The following ARHGEF3 variants were observed in gnomAD, a reference collection of about 807,000 sequenced individuals.
The protein encoded by ARHGEF3 is 59.8 kDA protein.
In ARHGEF3, 28 loss-of-function variants were observed where a neutral mutation model predicts 63.2. The observed-to-expected ratio is 0.44, with a 90% CI of 0.33 to 0.61. The LOEUF is 0.61. Ranked by LOEUF, ARHGEF3 falls within the 20% of genes least tolerant of loss-of-function variation. The pLI is 0.03. For missense variants in ARHGEF3, 533 were observed against 659.3 expected, an observed-to-expected ratio of 0.81 and a Z score of 2.10; for synonymous variants, 266 against 254.2, an observed-to-expected ratio of 1.05 and a Z score of -0.44.
intron 2 of ARHGEF3, among the ~76,000 whole-genome samples, chr3:56,763,085 T>C (rs2035511141): frequency 6.6e-6 from 1 of 152,160 alleles, no homozygotes; most frequent in Non-Finnish European, 1.5e-5. Context: ...AACATAGGCT[T>C]TGGAGTAAAA....
At chr3:57,076,904 T>G (rs372026848) in intron 1 of ARHGEF3, 1 of 152,138 alleles carries the variant, frequency 6.6e-6, no homozygotes, top group South Asian at 2.1e-4. Context: ...TATAAATCAA[T>G]GTATGAATAA....
At chr3:56,827,495 T>A (rs542168312) in intron 4 of ARHGEF3, among the ~76,000 whole-genome samples, 1 of 152,250 alleles carries the variant, frequency 6.6e-6, no homozygotes, top group East Asian at 1.9e-4. Context: ...AATGGGGGAT[T>A]ATAATCTTCA....
chr3:56,933,111 TCACAAGATA>T (rs2042456192), intron 3 of ARHGEF3, among the ~76,000 whole-genome samples: 1 of 152,120 alleles, frequency 6.6e-6, no homozygotes, highest in South Asian at 2.1e-4. Context: ...CTGCCAAGCG[TCACAAGATA>T]CACAAGATCT....
chr3:56,909,326 T>C (rs1265603274), intron 3 of ARHGEF3, among the ~76,000 whole-genome samples: 1 of 152,232 alleles, frequency 6.6e-6, no homozygotes, highest in African/African-American at 2.4e-5. Flanking sequence ...GTGTGGGTGC[T>C]TGAAGAGTTT....
chr3:56,823,297 C>G (rs1229052901), intron 4 of ARHGEF3, among the ~76,000 whole-genome samples: 2 of 152,230 alleles, frequency 1.3e-5, no homozygotes, highest in African/African-American at 2.4e-5. Flanking sequence ...GAAGTTCTCT[C>G]TGAGTCTTGT....
chr3:56,958,184 C>G (rs1436940734), intron 3 of ARHGEF3, among the ~76,000 whole-genome samples: 4 of 152,112 alleles, frequency 2.6e-5, no homozygotes, highest in African/African-American at 4.8e-5. Flanking sequence ...CTGGTTCCCT[C>G]CAGGTTCCAA....
chr3:56,743,741 T>C (rs1228003635), intron 7 of ARHGEF3, among the ~76,000 whole-genome samples: 1 of 152,042 alleles, frequency 6.6e-6, no homozygotes, highest in Non-Finnish European at 1.5e-5. Context: ...TACCTATGCA[T>C]ATCCTCCTTC....
chr3:57,030,841 A>G (rs1703701514), intron 2 of ARHGEF3, among the ~76,000 whole-genome samples: 1 of 152,256 alleles, frequency 6.6e-6, no homozygotes, highest in Admixed American at 6.5e-5. Context: ...AGAAGCAGCA[A>G]GAAATTACTG....
At chr3:56,756,453 A>G (rs2035069414) in intron 2 of ARHGEF3, among the ~76,000 whole-genome samples, 1 of 151,240 alleles carries the variant, frequency 6.6e-6, no homozygotes, top group Non-Finnish European at 1.5e-5. Flanking sequence ...GCTATCTGTC[A>G]TTCCCTAAAT....
chr3:57,032,820 G>C (rs903882616), intron 2 of ARHGEF3, among the ~76,000 whole-genome samples: 2 of 152,144 alleles, frequency 1.3e-5, no homozygotes, highest in Non-Finnish European at 2.9e-5. Flanking sequence ...GGACTCTCCT[G>C]GGGGAGTATA....
chr3:56,927,331 T>C (rs558573373), intron 3 of ARHGEF3, among the ~76,000 whole-genome samples: 3 of 152,296 alleles, frequency 2.0e-5, no homozygotes, highest in African/African-American at 7.2e-5. Flanking sequence ...ACATGACGGA[T>C]AATAAGCCCC....
At chr3:56,750,302 G>T (rs375581759) in intron 6 of ARHGEF3, among the ~76,000 whole-genome samples, 1 of 152,154 alleles carries the variant, frequency 6.6e-6, no homozygotes, top group Non-Finnish European at 1.5e-5. Flanking sequence ...CTTGTCTAGC[G>T]TAAGTGAAAC....
chr3:56,987,730 G>A lies in ARHGEF3; in HGVS notation c.63-28841C>T, dbSNP rs147576999. ...CCCCACTAACCTCACTCCCCCTACC[G>A]TGCACAGCCAATCCTGCAGCCACTA... is the stretch of plus-strand genomic sequence containing the variant. On this transcript the variant is annotated intron_variant, in intron 2 of 12. Coordinates refer to the ARHGEF3 transcript ENST00000338458. Among the ~76,000 whole-genome samples, 777 of 152,212 alleles carry A rather than the reference G, an allele frequency of 5.1e-3. 3 individuals are homozygous for A. The highest frequency in any genetic ancestry group is 5.4e-3 in the Non-Finnish European group (366 of 68,016).
At chr3:56,737,495 G>GGA in intron 7 of ARHGEF3, 140 bp from the exon 8 acceptor site, 1 of 470,658 alleles carries the variant, frequency 2.1e-6, no homozygotes, top group East Asian at 3.4e-5. Flanking sequence ...TGGGAAAAGA[G>GGA]AAAAAAAAAA....
At chr3:57,054,838 A>G (rs1189160431) in intron 1 of ARHGEF3, among the ~76,000 whole-genome samples, 2 of 151,332 alleles carry the variant, frequency 1.3e-5, no homozygotes, top group Admixed American at 6.6e-5. Flanking sequence ...TTTAGTAGAG[A>G]CGGGGTTTCA....
chr3:56,799,844 T>G (rs772754366), intron 1 of ARHGEF3, among the ~76,000 whole-genome samples: 8 of 152,232 alleles, frequency 5.3e-5, no homozygotes, highest in Non-Finnish European at 1.2e-4. Flanking sequence ...CATACTTGAT[T>G]TAGTGTTTAA....
chr3:56,740,142 C>T (rs1578380768), intron 7 of ARHGEF3, among the ~76,000 whole-genome samples: 1 of 152,012 alleles, frequency 6.6e-6, no homozygotes, highest in Non-Finnish European at 1.5e-5. Context: ...GCATGATCTG[C>T]CTGCCTTGGC....
chr3:57,011,174 C>A (rs968935446), intron 2 of ARHGEF3, among the ~76,000 whole-genome samples: 11 of 152,212 alleles, frequency 7.2e-5, no homozygotes, highest in African/African-American at 2.4e-4. Flanking sequence ...AATGAAGAAA[C>A]AGAAGCACAG....
At chr3:57,006,877 T>C (rs1036420106) in intron 2 of ARHGEF3, among the ~76,000 whole-genome samples, 14 of 152,182 alleles carry the variant, frequency 9.2e-5, no homozygotes, top group African/African-American at 3.1e-4. Context: ...CAACCCTCCC[T>C]GGCTGAGTTT....
Sources: gnomAD v4.1 joint callset for allele counts (sites outside exome capture counted in the v4.1 genomes callset) on GRCh38, gnomAD v4.1.1 for gene constraint, MANE v1.5 for transcripts, NCBI Gene and HGNC (gene_info 2026-07-23, HGNC 2026-07-21) for gene names.